Variants in VSIG10 observed in about 807,000 individuals in gnomAD.
The protein encoded by VSIG10 is V-set and immunoglobulin domain-containing protein 10.
Under a neutral mutation model 58.7 loss-of-function variants are expected in VSIG10, and 48 were observed. The ratio of observed to expected loss-of-function variants is 0.82; its 90% CI spans 0.65 to 1.04. The LOEUF (loss-of-function observed/expected upper bound fraction) is 1.04, where lower values mean the gene tolerates loss of function less well. Among genes scored for constraint, VSIG10 ranks in the 50% least tolerant of loss-of-function variants. VSIG10 has a pLI of 0.00. For synonymous variants in VSIG10, 260 were observed against 267.1 expected, an observed-to-expected ratio of 0.97 and a Z score of 0.26; for missense variants, 628 against 670.0, an observed-to-expected ratio of 0.94 and a Z score of 0.69.
In VSIG10 at chr12:118,071,352, T is replaced by G; in HGVS notation, c.1330+7A>C. ...AAGAGAAGCTAAAGGACCCAGGGAG[T>G]CCTTACCTTTCCAGCAGAACACAGG... is the stretch of plus-strand genomic sequence containing the variant. On this transcript the variant is annotated splice_region_variant and intron_variant, in intron 6 of 8. Coordinates refer to ENST00000359236, the MANE Select transcript of VSIG10 (RefSeq NM_019086.6). The G allele has an allele frequency of 1.2e-6, 2 of 1,611,678 alleles. No homozygotes were observed. The highest frequency in any genetic ancestry group is 1.7e-6 in the Non-Finnish European group (2 of 1,178,492).
At chr12:118,101,465 G>C (rs955192238) in intron 1 of VSIG10, 5 of 152,150 alleles carry the variant, frequency 3.3e-5, no homozygotes, top group African/African-American at 1.2e-4. Flanking sequence ...ATAAAATATA[G>C]TAACAAGTTT....
At chr12:118,068,710 T>C (rs1291824647) in intron 7 of VSIG10, 113 bp from the exon 8 acceptor site, 2 of 1,318,422 alleles carry the variant, frequency 1.5e-6, no homozygotes, top group Non-Finnish European at 2.0e-6. Flanking sequence ...ATATGGAAAA[T>C]TACAGCTTGG....
chr12:118,090,442 G>GGAC (rs1468374570), intron 2 of VSIG10, among the ~76,000 whole-genome samples: 6 of 152,228 alleles, frequency 3.9e-5, no homozygotes, highest in African/African-American at 1.4e-4. Context: ...CCAAAGGTTA[G>GGAC]GACTTCCACA....
chr12:118,075,306 G>T (rs1373720165), intron 4 of VSIG10, among the ~76,000 whole-genome samples: 2 of 151,808 alleles, frequency 1.3e-5, no homozygotes, highest in African/African-American at 4.8e-5. Context: ...CATGGGTAAG[G>T]CAGGAACACT....
At chr12:118,067,730 G>A (rs1299138398) in intron 8 of VSIG10, among the ~76,000 whole-genome samples, 2 of 152,076 alleles carry the variant, frequency 1.3e-5, no homozygotes, top group African/African-American at 4.8e-5. Context: ...CCAAAATGCT[G>A]GGATTATAGG....
At chr12:118,076,650 T>C (rs1026003804) in intron 4 of VSIG10, among the ~76,000 whole-genome samples, 9 of 151,216 alleles carry the variant, frequency 6.0e-5, no homozygotes, top group Non-Finnish European at 8.9e-5. Context: ...ATCCTGGCGC[T>C]TCTGATCTCT....
chr12:118,071,089 C>T, intron 6 of VSIG10, 22 bp from the exon 7 acceptor site: 1 of 1,588,042 alleles, frequency 6.3e-7, no homozygotes, highest in Non-Finnish European at 8.6e-7. Context: ...AAGGAAAAAC[C>T]ATTAATATCC....
chr12:118,070,547 C>CAAAAAAAA (rs10607174), intron 7 of VSIG10, among the ~76,000 whole-genome samples: 1 of 111,652 alleles, frequency 9.0e-6, no homozygotes, highest in African/African-American at 3.4e-5. Flanking sequence ...GATTCTGTCT[C>CAAAAAAAA]AAAAAAAAAA....
intron 3 of VSIG10, among the ~76,000 whole-genome samples, chr12:118,080,478 G>A (rs185883380): frequency 4.6e-5 from 7 of 152,172 alleles, no homozygotes; most frequent in Admixed American, 2.0e-4. Flanking sequence ...CATTTCTACC[G>A]TGGTTTTCGT....
chr12:118,085,169 A>C (rs941873906), intron 2 of VSIG10, among the ~76,000 whole-genome samples: 1 of 152,220 alleles, frequency 6.6e-6, no homozygotes, highest in Non-Finnish European at 1.5e-5. Flanking sequence ...CACTGTGAGA[A>C]GACATAGCGA....
At position 118,071,419 on chromosome 12, in the gene VSIG10, G is replaced by T; in HGVS notation, c.1270C>A (p.Leu424Met). The change falls in exon 6 of 9, where the codon CTG becomes ATG. Residue 424 changes from leucine to methionine, a missense_variant. Coordinates refer to ENST00000359236, the MANE Select transcript of VSIG10 (RefSeq NM_019086.6). Reference protein sequence around the residue: ...IVGTIVSLLLLGLAIISGLLL... With the variant: ...IVGTIVSLLLMGLAIISGLLL... ...AGCCCTGAGATAATGGCCAGTCCCA[G>T]CAGAAGGAGGCTCACAATGGTTCCC... The T allele has an allele frequency of 6.2e-7, 1 of 1,613,920 alleles. No individual in the cohort carries two copies. The highest frequency in any genetic ancestry group is 8.5e-7 in the Non-Finnish European group (1 of 1,179,874).
intron 5 of VSIG10, among the ~76,000 whole-genome samples, chr12:118,072,402 T>C (rs966826519): frequency 5.3e-5 from 8 of 150,530 alleles, no homozygotes; most frequent in Non-Finnish European, 1.2e-4. Flanking sequence ...GAGGTGGAGC[T>C]TGCAGTGAGC....
rs904712906 is a variant in VSIG10 at position 118,103,820 on chromosome 12, C to T, written c.-149G>A. On this transcript the variant is annotated 5_prime_UTR_variant, in exon 1 of 9. Coordinates refer to ENST00000359236, the MANE Select transcript of VSIG10 (RefSeq NM_019086.6). Reference sequence around the variant, plus strand: ...ACTTCCTCGGCCCCCAGGAAGGATGCTTGGCTGAGCCGAGTGTCCAGGGCC... The same window carrying T: ...ACTTCCTCGGCCCCCAGGAAGGATGTTTGGCTGAGCCGAGTGTCCAGGGCC... 3 of 741,756 alleles carry T rather than the reference C, an allele frequency of 4.0e-6. No homozygotes were observed. Among genetic ancestry groups the T allele is most frequent in the African/African-American group, 3.7e-5 (2 of 53,586 alleles). 45.9% of individuals were successfully genotyped at this position (741,756 alleles called of 1,614,324 possible). A position where few individuals can be genotyped will look rare whatever the true frequency, so the allele number is the denominator to read the frequency against.
chr12:118,088,947 CTTT>C (rs150822972), intron 2 of VSIG10, among the ~76,000 whole-genome samples: 4 of 142,328 alleles, frequency 2.8e-5, no homozygotes, highest in Non-Finnish European at 1.5e-5. Flanking sequence ...ATTCCTTTTT[CTTT>C]TTTTTTTTTT....
chr12:118,095,072 T>G (rs1359762970), intron 2 of VSIG10, among the ~76,000 whole-genome samples: 1 of 152,134 alleles, frequency 6.6e-6, no homozygotes, highest in East Asian at 1.9e-4. Context: ...CTCAGCTAAT[T>G]TTTTATATTT....
chr12:118,087,132 C>A (rs1162522562), intron 2 of VSIG10, among the ~76,000 whole-genome samples: 1 of 151,762 alleles, frequency 6.6e-6, no homozygotes, highest in Admixed American at 6.6e-5. Context: ...CTTAACTGCT[C>A]TGGACCAAGG....
rs574158970 is a variant in VSIG10 at position 118,066,756 on chromosome 12, A to G, written c.1568-62T>C. 1.0e-5 allele frequency: 15 copies of G among 1,499,306 alleles called. No homozygotes were observed. In the African/African-American group the frequency reaches 1.3e-4, roughly 13 times the overall value. 92.9% of individuals were successfully genotyped at this position (1,499,306 alleles called of 1,614,324 possible). On this transcript the variant is annotated intron_variant, in intron 8 of 8. Transcript: ENST00000359236. The stretch of plus-strand genomic sequence containing the variant: ...AGAGTGTGATTCTATTTCCACCGTC[A>G]GTCATCAATCATCTCAGTGATTTCT...
At chr12:118,066,786 C>T (rs957088386) in intron 8 of VSIG10, 92 bp from the exon 9 acceptor site, 3 of 1,365,758 alleles carry the variant, frequency 2.2e-6, no homozygotes, top group African/African-American at 2.9e-5. Flanking sequence ...ATTTCTAGTC[C>T]TTTCCTGGTG....
intron 4 of VSIG10, among the ~76,000 whole-genome samples, chr12:118,075,761 C>T (rs2032702168): frequency 6.7e-6 from 1 of 148,704 alleles, no homozygotes; most frequent in Admixed American, 6.7e-5. Context: ...ACCCAATTCA[C>T]TCTCACAGCA....
Sources: allele counts gnomAD v4.1 joint callset (sites outside exome capture counted in the v4.1 genomes callset), GRCh38; gene constraint gnomAD v4.1.1; transcripts MANE v1.5; gene names NCBI Gene and HGNC (gene_info 2026-07-23, HGNC 2026-07-21).